The following THADA variants were observed in gnomAD, a reference collection of about 807,000 sequenced individuals.
The protein encoded by THADA is tRNA (32-2'-O)-methyltransferase regulator THADA.
Under a neutral mutation model 219.8 loss-of-function variants are expected in THADA, and 213 were observed. The observed-to-expected ratio is 0.97, with a 90% confidence interval of 0.87 to 1.09. The LOEUF is 1.09. THADA is among the 50% of genes least tolerant of loss of function. The pLI, the probability that THADA is intolerant of heterozygous loss-of-function variation, is 0.00. For synonymous variants in THADA, 1,018 were observed against 828.9 expected (o/e 1.23, Z -3.92); for missense variants, 2,956 against 2,311.3 (o/e 1.28, Z -5.72).
intron 28 of THADA, among the ~76,000 whole-genome samples, chr2:43,422,792 C>CTTGA (rs1237022658): frequency 1.3e-5 from 2 of 152,128 alleles, no homozygotes; most frequent in African/African-American, 4.8e-5. Flanking sequence ...TCACAGCTCA[C>CTTGA]TTGAGCTGCC....
At chr2:43,447,414 C>A (rs1330743993) in intron 26 of THADA, among the ~76,000 whole-genome samples, 1 of 152,102 alleles carries the variant, frequency 6.6e-6, no homozygotes, top group Non-Finnish European at 1.5e-5. Flanking sequence ...TAGGGCCCAC[C>A]CAGCTAAGCC....
intron 31 of THADA, among the ~76,000 whole-genome samples, chr2:43,309,200 G>A (rs1441226079): frequency 3.3e-5 from 5 of 152,190 alleles, no homozygotes; most frequent in African/African-American, 1.2e-4. Context: ...AGTCAAACAT[G>A]ACACATGAAA....
intron 22 of THADA, among the ~76,000 whole-genome samples, chr2:43,515,256 A>AATATATT (rs1691466785): frequency 1.3e-3 from 3 of 2,302 alleles, no homozygotes; most frequent in South Asian, 6.0e-3. Flanking sequence ...TATTATATAT[A>AATATATT]ATATATAATA....
At chr2:43,450,128 A>G (rs2104891776) in intron 26 of THADA, among the ~76,000 whole-genome samples, 1 of 152,318 alleles carries the variant, frequency 6.6e-6, no homozygotes, top group Admixed American at 6.5e-5. Flanking sequence ...GAGTTACAAA[A>G]GCTAGGATCA....
chr2:43,291,693 T>C lies in THADA; in HGVS notation c.5010+3A>G. 1 of 1,547,048 alleles carries C rather than the reference T, an allele frequency of 6.5e-7. No homozygotes were observed. Among genetic ancestry groups the C allele is most frequent in the South Asian group, 1.2e-5 (1 of 82,788 alleles). On this transcript the variant is annotated splice_donor_region_variant and intron_variant, in intron 34 of 37. Coordinates refer to ENST00000405975, the MANE Select transcript of THADA (RefSeq NM_022065.5). ...CCCGGAACAAGATCAGAACCAGCCT[T>C]ACCTCCACACATGTCTGCATGTGGT... is the stretch of plus-strand genomic sequence containing the variant.
At chr2:43,595,327 C>A (rs1410176160) in intron 1 of THADA, among the ~76,000 whole-genome samples, 1 of 152,076 alleles carries the variant, frequency 6.6e-6, no homozygotes, top group East Asian at 1.9e-4. Flanking sequence ...GTGTCGACAA[C>A]AGAATAATTT....
rs1380898525 is a variant in THADA, at chr2:43,572,831, T to C, written c.1891A>G (p.Ile631Val). 11 of 1,613,630 alleles carry C rather than the reference T, an allele frequency of 6.8e-6. No individual in the cohort carries two copies. Among genetic ancestry groups the C allele is most frequent in the Non-Finnish European group, 9.3e-6 (11 of 1,179,780 alleles). Reference protein sequence around the residue: ...VSDARIKQGLIHQHCQVRIDT... With the variant: ...VSDARIKQGLVHQHCQVRIDT... ...TTACTTACTTGGCAATGCTGATGAA[T>C]TAAGCCTTGCTTTATTCTTGCATCA... Residue 631 changes from isoleucine (I) to valine (V), a missense_variant, in exon 12 of 38, where the codon ATT becomes GTT. Transcript: ENST00000405975.
chr2:43,536,707 A>G (rs1360485979), intron 21 of THADA, among the ~76,000 whole-genome samples: 1 of 152,064 alleles, frequency 6.6e-6, no homozygotes, highest in East Asian at 1.9e-4. Flanking sequence ...AAAGCATAAA[A>G]CCCATTAAAA....
At position 43,341,611 on chromosome 2, in the gene THADA, T is replaced by C. The variant is rs545802178; in HGVS notation, c.4343+2511A>G. ...CAGTGGATAATGACTTTCTACGAGA[T>C]GCATGAAGGAGTAGCAAGCTAAGGG... On this transcript the variant is annotated intron_variant, in intron 30 of 37. Transcript: ENST00000405975. Among the ~76,000 whole-genome samples the C allele has an allele frequency of 3.9e-5, 6 of 152,256 alleles. No individual in the cohort carries two copies. In the South Asian group the frequency reaches 1.0e-3, roughly 26 times the overall value.
At chr2:43,438,083 C>T (rs1438954329) in intron 26 of THADA, among the ~76,000 whole-genome samples, 5 of 151,932 alleles carry the variant, frequency 3.3e-5, no homozygotes, top group Admixed American at 6.6e-5. Flanking sequence ...GGGCAGATCA[C>T]GAGGTCAGGA....
chr2:43,555,260 TTAATA>T (rs893036484), intron 17 of THADA, among the ~76,000 whole-genome samples: 56 of 151,596 alleles, frequency 3.7e-4, no homozygotes, highest in South Asian at 1.0e-3. Flanking sequence ...AAGATAAAAA[TTAATA>T]TAAAATACAG....
At chr2:43,487,351 CT>C (rs755437304) in intron 25 of THADA, among the ~76,000 whole-genome samples, 1 of 152,246 alleles carries the variant, frequency 6.6e-6, no homozygotes, top group Non-Finnish European at 1.5e-5. Context: ...CTGACAAAGG[CT>C]GCCAGATGCA....
At position 43,298,018 on chromosome 2, in the gene THADA, G is replaced by C. The variant is rs1164332474; in HGVS notation, c.4439-4805C>G. Among the ~76,000 whole-genome samples, 39 of 99,826 alleles carry C rather than the reference G, an allele frequency of 3.9e-4. 1 individual carries two copies. Among genetic ancestry groups the C allele is most frequent in the Non-Finnish European group, 6.1e-4 (32 of 52,040 alleles). 65.5% of individuals were successfully genotyped at this position (99,826 alleles called of 152,430 possible). A position where few individuals can be genotyped will look rare whatever the true frequency, so the allele number is the denominator to read the frequency against. ...GGAGTGTGGGGGGGGTCAGCCCCCC[G>C]GCCCGGCCAGCCGCCCCGGCCGCCC... is the stretch of plus-strand genomic sequence containing the variant. On this transcript the variant is annotated intron_variant, in intron 31 of 37. Transcript: ENST00000405975.
At chr2:43,274,329 A>G (rs1672470345) in intron 36 of THADA, among the ~76,000 whole-genome samples, 1 of 152,186 alleles carries the variant, frequency 6.6e-6, no homozygotes, top group African/African-American at 2.4e-5. Flanking sequence ...CTGTCCCTTG[A>G]GCTGGTTCCA....
intron 26 of THADA, among the ~76,000 whole-genome samples, chr2:43,440,406 T>A (rs1170745098): frequency 1.3e-5 from 2 of 152,240 alleles, no homozygotes. Context: ...CATTTCCTTG[T>A]TAATAAATTA....
chr2:43,320,757 G>A (rs1465663445), intron 30 of THADA, among the ~76,000 whole-genome samples: 1 of 152,136 alleles, frequency 6.6e-6, no homozygotes, highest in East Asian at 1.9e-4. Flanking sequence ...AAGGCTATGT[G>A]TAGACAAAAT....
At chr2:43,430,132 A>T (rs1359196425) in intron 27 of THADA, 81 bp downstream of exon 27, 3 of 646,156 alleles carry the variant, frequency 4.6e-6, no homozygotes, top group Non-Finnish European at 7.4e-6. Flanking sequence ...TATTAAAAAC[A>T]GCTGCCTAGA....
At chr2:43,319,096 T>C (rs997110864) in intron 31 of THADA, among the ~76,000 whole-genome samples, 1 of 152,188 alleles carries the variant, frequency 6.6e-6, no homozygotes, top group African/African-American at 2.4e-5. Context: ...TATATGGAAT[T>C]TGGAACTGAA....
intron 9 of THADA, among the ~76,000 whole-genome samples, chr2:43,577,807 T>C (rs1700016561): frequency 6.6e-6 from 1 of 152,152 alleles, no homozygotes; most frequent in African/African-American, 2.4e-5. Flanking sequence ...GCACATGATT[T>C]GGGTTATTCT....
Sources: allele counts gnomAD v4.1 joint callset (sites outside exome capture counted in the v4.1 genomes callset), GRCh38; gene constraint gnomAD v4.1.1; transcripts MANE v1.5; gene names NCBI Gene and HGNC (gene_info 2026-07-23, HGNC 2026-07-21).